The following STK31 variants were observed in gnomAD, a reference collection of about 807,000 sequenced individuals.
STK31 encodes the protein serine/threonine kinase 31, also known as serine/threonine-protein kinase 31.
STK31 carries 89 observed loss-of-function variants against 129.7 expected under a neutral mutation model. The ratio of observed to expected loss-of-function variants is 0.69; its 90% CI spans 0.58 to 0.82. STK31 has a LOEUF of 0.82. Ranked by LOEUF, STK31 falls within the 40% of genes least tolerant of loss-of-function variation. The pLI, the probability that STK31 is intolerant of heterozygous loss-of-function variation, is 0.00. For synonymous variants in STK31, 448 were observed against 395.3 expected, an observed-to-expected ratio of 1.13 and a Z score of -1.58; for missense variants, 1,187 against 1,176.4, an observed-to-expected ratio of 1.01 and a Z score of -0.13.
intron 23 of STK31, among the ~76,000 whole-genome samples, chr7:23,821,829 A>G (rs1793800720): frequency 6.6e-6 from 1 of 152,072 alleles, no homozygotes; most frequent in Non-Finnish European, 1.5e-5. Flanking sequence ...TGATTTTTAT[A>G]TATGGTGAGA....
chr7:23,807,010 T>C (rs1792756672), intron 22 of STK31, among the ~76,000 whole-genome samples: 1 of 152,122 alleles, frequency 6.6e-6, no homozygotes, highest in South Asian at 2.1e-4. Flanking sequence ...TGAAACTGCT[T>C]TGAGAGCCAA....
chr7:23,778,693 T>C (rs1008038174), intron 15 of STK31, among the ~76,000 whole-genome samples: 1 of 152,068 alleles, frequency 6.6e-6, no homozygotes, highest in Non-Finnish European at 1.5e-5. Context: ...AAGTCATTTA[T>C]GTTCTTCTCT....
intron 17 of STK31, 96 bp downstream of exon 17, chr7:23,783,759 T>TAA (rs1238870530): frequency 7.5e-6 from 7 of 927,490 alleles, no homozygotes; most frequent in Non-Finnish European, 9.6e-6. Context: ...TAGTATCTTT[T>TAA]AAATAAAAAT....
chr7:23,733,279 C>G (rs990306810), intron 6 of STK31, among the ~76,000 whole-genome samples: 2 of 151,934 alleles, frequency 1.3e-5, no homozygotes, highest in Non-Finnish European at 2.9e-5. Flanking sequence ...CAGCTAGGCA[C>G]AGGGTGTGTG....
chr7:23,749,505 GC>G, intron 8 of STK31, among the ~76,000 whole-genome samples: 1 of 148,658 alleles, frequency 6.7e-6, no homozygotes. Context: ...ACCATGCCTG[GC>G]TAATTTTTGC....
rs142987616 is a variant in STK31 at position 23,795,060 on chromosome 7, A to G, written c.2760+4114A>G. 3.9e-5 allele frequency among the ~76,000 whole-genome samples: 6 copies of G among 152,372 alleles called. No individual in the cohort carries two copies. The East Asian group carries it at 1.2e-3, about 29-fold the overall frequency. ...GCAGGAATTTGCATAAGTAACAAGT[A>G]GCTGAATGTTAATCGCTAGGACAAT... On this transcript the variant is annotated intron_variant, in intron 22 of 23. Coordinates refer to ENST00000355870, the MANE Select transcript of STK31 (RefSeq NM_031414.5).
rs930080748 is a variant in STK31, at chr7:23,825,565, A to AT, written c.2830-6565dup. Among the ~76,000 whole-genome samples the AT allele has an allele frequency of 3.0e-3, 450 of 152,124 alleles. 3 individuals carry two copies. Among genetic ancestry groups the AT allele is most frequent in the African/African-American group, 0.01 (432 of 41,492 alleles). On this transcript the variant is annotated intron_variant, in intron 23 of 23. Coordinates refer to ENST00000355870, the MANE Select transcript of STK31 (RefSeq NM_031414.5). ...AAAAAACCAGCTCCTGGATTCATTG[A>AT]TTTTTTGAAGGGTTTTTTGTGTCTA...
intron 6 of STK31, among the ~76,000 whole-genome samples, chr7:23,730,868 A>ATT (rs1787368115): frequency 4.5e-5 from 2 of 43,992 alleles, no homozygotes; most frequent in African/African-American, 5.8e-5. Flanking sequence ...ATATATATAT[A>ATT]TATATATATA....
intron 6 of STK31, among the ~76,000 whole-genome samples, chr7:23,733,970 G>C (rs866085791): frequency 6.6e-6 from 1 of 151,964 alleles, no homozygotes; most frequent in African/African-American, 2.4e-5. Context: ...TTCCTACATC[G>C]GTCTCAATTT....
rs1362730397 is a variant in STK31 at position 23,786,943 on chromosome 7, T to G, written c.2487+19T>G. 1.2e-6 allele frequency: 2 copies of G among 1,602,390 alleles called. No individual in the cohort carries two copies. Among genetic ancestry groups the G allele is most frequent in the Non-Finnish European group, 1.7e-6 (2 of 1,170,622 alleles). On this transcript the variant is annotated intron_variant, in intron 20 of 23. Coordinates refer to ENST00000355870, the MANE Select transcript of STK31 (RefSeq NM_031414.5). ...TTCAGAAGTAAGTAAAAAGCACTAT[T>G]TATTTCCATGGATGTATTAAATGAG...
rs370419099 is a variant in STK31, at chr7:23,752,766, T to C, written c.1067T>C (p.Leu356Pro). ...VDLTNHLEYTLKTYIDTRMKN... is the reference protein window; with the variant it reads ...VDLTNHLEYTPKTYIDTRMKN... Reference sequence around the variant, plus strand: ...TTGACTAACCACTTAGAATACACTCTGAAGACCTATATAGATACCAGAATG... The same window carrying C: ...TTGACTAACCACTTAGAATACACTCCGAAGACCTATATAGATACCAGAATG... Residue 356 changes from leucine (L) to proline (P), a missense_variant, in exon 9 of 24, where the codon CTG (leucine) becomes CCG (proline). Around this residue, in one of 5 missense-constraint regions of STK31, gnomAD observed 975 missense variants for 934.9 expected, o/e 1.04. Coordinates refer to ENST00000355870, the MANE Select transcript of STK31 (RefSeq NM_031414.5). The C allele has an allele frequency of 2.5e-6, 4 of 1,613,764 alleles. No individual in the cohort carries two copies. In the African/African-American group the frequency reaches 5.3e-5, roughly 22 times the overall value.
intron 22 of STK31, among the ~76,000 whole-genome samples, chr7:23,804,886 C>T (rs927965262): frequency 6.6e-6 from 1 of 151,952 alleles, no homozygotes; most frequent in African/African-American, 2.4e-5. Context: ...CTCTTTTCTT[C>T]CAGTTTATCA....
intron 15 of STK31, among the ~76,000 whole-genome samples, chr7:23,777,874 C>T (rs1038546308): frequency 3.3e-5 from 5 of 152,044 alleles, no homozygotes; most frequent in African/African-American, 1.2e-4. Flanking sequence ...TTGATCCTGT[C>T]ATTATGATAC....
At position 23,738,162 on chromosome 7, in the gene STK31, A is replaced by G. The variant is rs537793813; in HGVS notation, c.1017+1084A>G. On this transcript the variant is annotated intron_variant, in intron 8 of 23. Transcript: ENST00000355870. ...TCCCTCAGGTTAGATAATTCACTAG[A>G]ACTACTCACAGAACTCACGGAAGTG... Among the ~76,000 whole-genome samples the G allele has an allele frequency of 5.3e-5, 8 of 152,286 alleles. No homozygotes were observed. In the South Asian group the frequency reaches 1.2e-3, roughly 24 times the overall value.
rs1787246954 is a variant in STK31 at position 23,729,092 on chromosome 7, G to A, written c.326G>A (p.Cys109Tyr). Residue 109 changes from cysteine to tyrosine, a missense_variant and splice_region_variant, in exon 6 of 24, where the codon TGT (cysteine) becomes TAT (tyrosine). Cys to Tyr is a radical substitution (Grantham distance 194). Transcript: ENST00000355870. ...GTATTTGTCTCTTATTTTTTCCAGT[G>A]TCTGGTGAGGTACATTGACTATGGA... ...KVLKIISVEKCLVRYIDYGNT... is the reference protein window; with the variant it reads ...KVLKIISVEKYLVRYIDYGNT... The A allele has an allele frequency of 6.3e-7, 1 of 1,595,064 alleles. No homozygotes were observed. The highest frequency in any genetic ancestry group is 8.5e-7 in the Non-Finnish European group (1 of 1,174,514).
At chr7:23,797,632 A>G (rs1311329014) in intron 22 of STK31, among the ~76,000 whole-genome samples, 7 of 152,236 alleles carry the variant, frequency 4.6e-5, no homozygotes, top group African/African-American at 1.7e-4. Context: ...GGAAATTTAT[A>G]GCACTAAATG....
rs1418291523 is a variant in STK31 at position 23,782,522 on chromosome 7, C to T, written c.2067+1002C>T. On this transcript the variant is annotated intron_variant, in intron 16 of 23. Transcript: ENST00000355870. ...AGAAAAGAAAGTAATAATATTAATA[C>T]TGTGAAAACAATAGGTAAGTGTCAT... Among the ~76,000 whole-genome samples, 8 of 145,714 alleles carry T rather than the reference C, an allele frequency of 5.5e-5. No homozygotes were observed. The East Asian group carries it at 1.0e-3, about 18-fold the overall frequency.
intron 23 of STK31, among the ~76,000 whole-genome samples, chr7:23,817,300 C>T (rs149115167): frequency 3.3e-5 from 5 of 152,210 alleles, no homozygotes; most frequent in South Asian, 2.1e-4. Context: ...ACACAGTCCC[C>T]GTTTAATGTG....
intron 5 of STK31, among the ~76,000 whole-genome samples, chr7:23,728,874 C>T (rs1258031064): frequency 6.6e-6 from 1 of 151,966 alleles, no homozygotes; most frequent in Admixed American, 6.6e-5. Context: ...TGGAATTTAA[C>T]TAGTAACAAG....
Sources: allele counts gnomAD v4.1 joint callset (sites outside exome capture counted in the v4.1 genomes callset), GRCh38; gene constraint gnomAD v4.1.1; regional missense constraint gnomAD v4.1.1; transcripts MANE v1.5; gene names NCBI Gene and HGNC (gene_info 2026-07-23, HGNC 2026-07-21).